ORMDL3: variants seen among roughly 807,000 people sequenced by gnomAD.
ORMDL3 encodes ORM1-like protein 3.
In ORMDL3, 6 loss-of-function variants were observed where a neutral mutation model predicts 12.6. The observed-to-expected ratio is 0.48, with a 90% confidence interval of 0.26 to 0.94. The LOEUF (loss-of-function observed/expected upper bound fraction) is 0.94, where lower values mean the gene tolerates loss of function less well. Among genes scored for constraint, ORMDL3 ranks in the 40% least tolerant of loss-of-function variants. The pLI is 0.14. For synonymous variants in ORMDL3, 99 were observed against 87.2 expected (o/e 1.14, Z -0.75); for missense variants, 159 against 205.5 (o/e 0.77, Z 1.38).
rs372571967 is a variant in ORMDL3, at chr17:39,923,237, C to T, written c.201G>A (p.Val67=). 17 of 1,614,200 alleles carry T rather than the reference C, an allele frequency of 1.1e-5. No homozygotes were observed. The highest frequency in any genetic ancestry group is 2.2e-5 in the South Asian group (2 of 91,092). The change falls in exon 3 of 4, where the codon GTG becomes GTA. Residue 67 remains valine (V), a synonymous_variant. Transcript: ENST00000304046. ...CCGGGGTCTCAAAGGGTGTCCCCTT[C>T]ACCGTGTGCAGGAAGATATACATGC... ...NMGMYIFLHT[V]KGTPFETPDQ...
At chr17:39,922,854 C>T (rs1313786123) in intron 3 of ORMDL3, among the ~76,000 whole-genome samples, 169 bp from the exon 4 acceptor site, 1 of 152,200 alleles carries the variant, frequency 6.6e-6, no homozygotes, top group Non-Finnish European at 1.5e-5. Flanking sequence ...CCCCTCCTGG[C>T]CCAGTACCGC....
At chr17:39,923,349 T>G in intron 2 of ORMDL3, 86 bp from the exon 3 acceptor site, 1 of 1,455,598 alleles carries the variant, frequency 6.9e-7, no homozygotes, top group South Asian at 1.2e-5. Flanking sequence ...CACAAGTAAC[T>G]CCCAGTGATC....
At position 39,923,254 on chromosome 17, in the gene ORMDL3, T is replaced by C; in HGVS notation, c.184A>G (p.Ile62Val). The C allele has an allele frequency of 6.2e-7, 1 of 1,614,134 alleles. No individual in the cohort carries two copies. Among genetic ancestry groups the C allele is most frequent in the African/African-American group, 1.3e-5 (1 of 75,028 alleles). The change falls in exon 3 of 4, where the codon ATC (isoleucine) becomes GTC (valine). Residue 62 changes from isoleucine to valine, a missense_variant. Coordinates refer to ENST00000304046, the MANE Select transcript of ORMDL3 (RefSeq NM_139280.4). ...TNLIHNMGMY[I>V]FLHTVKGTPF... is the part of the protein sequence containing the mutation. ...GTCCCCTTCACCGTGTGCAGGAAGA[T>C]ATACATGCCCTGGAGGAAGAAGTCT...
chr17:39,927,576 T>TC lies in ORMDL3; in HGVS notation c.-116dup. On this transcript the variant is annotated 5_prime_UTR_variant, in exon 1 of 4. Transcript: ENST00000304046. ...GCTGTAACAACCCGCGGCTGCAGCC[T>TC]CCCCGCTGGCAGCTCCGGCCGAATC... 1 of 985,594 alleles carries TC rather than the reference T, an allele frequency of 1.0e-6. No individual in the cohort carries two copies. Among genetic ancestry groups the TC allele is most frequent in the Non-Finnish European group, 1.2e-6 (1 of 830,058 alleles). The allele number at this position is 985,594 out of a possible 1,614,324, so 61.1% of individuals were successfully genotyped here.
In ORMDL3 at chr17:39,924,101, T is replaced by C. The variant is rs953205772; in HGVS notation, c.103A>G (p.Ile35Val). 4 of 1,614,048 alleles carry C rather than the reference T, an allele frequency of 2.5e-6. No homozygotes were observed. The highest frequency in any genetic ancestry group is 2.5e-6 in the Non-Finnish European group (3 of 1,179,950). Residue 35 changes from isoleucine to valine, a missense_variant, in exon 2 of 4, where the codon ATC becomes GTC. Transcript: ENST00000304046. ...SYVLAIGLLHIVLLSIPFVSV... is the reference protein window; with the variant it reads ...SYVLAIGLLHVVLLSIPFVSV... ...ACAAACGGGATGCTCAGCAGCACGA[T>C]GTGGAGGAGACCGATGGCCAGCACG...
chr17:39,923,790 C>T (rs1056021355), intron 2 of ORMDL3, among the ~76,000 whole-genome samples: 2 of 152,162 alleles, frequency 1.3e-5, no homozygotes, highest in African/African-American at 4.8e-5. Flanking sequence ...CCACCCCACC[C>T]TAGAGATGTG....
chr17:39,925,781 G>C lies in ORMDL3; in HGVS notation c.-22-1556C>G, dbSNP rs534063293. On this transcript the variant is annotated intron_variant, in intron 1 of 3. Coordinates refer to ENST00000304046, the MANE Select transcript of ORMDL3 (RefSeq NM_139280.4). ...GCAAACACCCGTGCGCCAGCCTGGGGCGCATTCTGATTGAAGAGATGCTCC... is the reference window on the plus strand; with the variant it reads ...GCAAACACCCGTGCGCCAGCCTGGGCCGCATTCTGATTGAAGAGATGCTCC... 257 of 152,340 alleles carry C rather than the reference G, an allele frequency of 1.7e-3. 1 individual carries two copies. Among genetic ancestry groups the C allele is most frequent in the Middle Eastern group, 6.8e-3 (2 of 294 alleles). 9.4% of individuals were successfully genotyped at this position (152,340 alleles called of 1,614,324 possible).
At chr17:39,922,766 C>T in intron 3 of ORMDL3, 81 bp from the exon 4 acceptor site, 1 of 1,499,320 alleles carries the variant, frequency 6.7e-7, no homozygotes, top group Admixed American at 1.9e-5. Flanking sequence ...AGGGGAAAGG[C>T]AGAATCCCAA....
chr17:39,923,284 T>C, intron 2 of ORMDL3, 21 bp from the exon 3 acceptor site: 1 of 1,613,554 alleles, frequency 6.2e-7, no homozygotes, highest in Non-Finnish European at 8.5e-7. Context: ...AAGTCTTTGT[T>C]AGAGGATACA....
intron 1 of ORMDL3, chr17:39,927,200 C>G (rs1978478479): frequency 4.5e-6 from 1 of 221,416 alleles, no homozygotes; most frequent in Non-Finnish European, 7.6e-6. Context: ...CACGCGTTCA[C>G]CCAGCCCTGG....
chr17:39,923,745 T>C (rs975857713), intron 2 of ORMDL3, among the ~76,000 whole-genome samples: 2 of 152,178 alleles, frequency 1.3e-5, no homozygotes, highest in African/African-American at 4.8e-5. Context: ...GAGCCCTTTG[T>C]TCAGCTCTCA....
intron 1 of ORMDL3, 135 bp from the exon 2 acceptor site, chr17:39,924,360 G>A: frequency 1.2e-6 from 1 of 819,688 alleles, no homozygotes; most frequent in Non-Finnish European, 1.8e-6. Flanking sequence ...TCTGAAGCAT[G>A]GAAAGTGGAG....
chr17:39,926,323 G>A (rs994584379), intron 1 of ORMDL3: 1 of 152,298 alleles, frequency 6.6e-6, no homozygotes, highest in Non-Finnish European at 1.5e-5. Flanking sequence ...CTGAGAGCAG[G>A]AAACCACCAG....
In ORMDL3 at chr17:39,923,364, G is replaced by A; in HGVS notation, c.175-101C>T. On this transcript the variant is annotated intron_variant, in intron 2 of 3. Coordinates refer to ENST00000304046, the MANE Select transcript of ORMDL3 (RefSeq NM_139280.4). ...CACAAGTAACTCCCAGTGATCTGGA[G>A]CCTCCCTCTGCTGGGCAGGGGGATA... The A allele has an allele frequency of 6.7e-6, 9 of 1,346,044 alleles. No individual in the cohort carries two copies. The South Asian group carries it at 1.0e-4, about 15-fold the overall frequency. 83.4% of individuals were successfully genotyped at this position (1,346,044 alleles called of 1,614,324 possible). A position where few individuals can be genotyped will look rare whatever the true frequency, so the allele number is the denominator to read the frequency against.
intron 1 of ORMDL3, chr17:39,925,354 C>T (rs918971001): frequency 2.6e-5 from 4 of 152,238 alleles, no homozygotes; most frequent in Non-Finnish European, 4.4e-5. Context: ...TTTGGCTGTC[C>T]CCAGATCCCT....
Position 39,924,116 on chromosome 17 carries a change from T to C in ORMDL3, c.88A>G (p.Ile30Val), listed in dbSNP as rs779244951. Residue 30 changes from isoleucine to valine, a missense_variant, in exon 2 of 4, where the codon ATC becomes GTC. Physicochemically the swap from Ile to Val is conservative, Grantham distance 29. Transcript: ENST00000304046. ...RGIWLSYVLA[I>V]GLLHIVLLSI... is the part of the protein sequence containing the mutation. ...AGCAGCACGATGTGGAGGAGACCGA[T>C]GGCCAGCACGTAGGAGAGCCAGATG... 4.3e-6 allele frequency: 7 copies of C among 1,614,050 alleles called. No individual in the cohort carries two copies. In the Admixed American group the frequency reaches 5.0e-5, roughly 12 times the overall value.
chr17:39,922,317 G>T lies in ORMDL3; in HGVS notation c.*233C>A, dbSNP rs1455152831. 6.6e-6 allele frequency: 3 copies of T among 452,762 alleles called. No homozygotes were observed. In the East Asian group the frequency reaches 1.1e-4, roughly 16 times the overall value. 28.0% of individuals were successfully genotyped at this position (452,762 alleles called of 1,614,324 possible). On this transcript the variant is annotated 3_prime_UTR_variant, in exon 4 of 4. Coordinates refer to ENST00000304046, the MANE Select transcript of ORMDL3 (RefSeq NM_139280.4). ...TGGAGTCTCTATTCAAAAAGCAAAA[G>T]GAAAAGATCAAAAAATTCAGAAAAG...
intron 1 of ORMDL3, 115 bp downstream of exon 1, chr17:39,927,369 A>C (rs1377129678): frequency 7.6e-5 from 42 of 552,834 alleles, no homozygotes; most frequent in Admixed American, 3.4e-4. Context: ...CACTCCCTCC[A>C]CCCCCCACTC....
intron 3 of ORMDL3, 33 bp from the exon 4 acceptor site, chr17:39,922,718 G>C: frequency 6.2e-7 from 1 of 1,605,800 alleles, no homozygotes; most frequent in African/African-American, 1.3e-5. Context: ...AGATATAAAA[G>C]ACTGTTGGGA....
Sources: gnomAD v4.1 joint callset for allele counts (sites outside exome capture counted in the v4.1 genomes callset) on GRCh38, gnomAD v4.1.1 for gene constraint, MANE v1.5 for transcripts, NCBI Gene and HGNC (gene_info 2026-07-23, HGNC 2026-07-21) for gene names.